Variants in ASCC3 observed in about 807,000 individuals in gnomAD.
ASCC3 encodes activating signal cointegrator 1 complex subunit 3, also known as ASC-1 complex subunit P200.
ASCC3 carries 158 observed loss-of-function variants against 256.3 expected under a neutral mutation model. That is an observed-to-expected ratio of 0.62 (90% CI 0.54 to 0.70). ASCC3 has a LOEUF of 0.70. ASCC3 is among the 30% of genes least tolerant of loss of function. The pLI, the probability that ASCC3 is intolerant of heterozygous loss-of-function variation, is 0.00. For synonymous variants in ASCC3, 948 were observed against 883.4 expected (o/e 1.07, Z -1.30); for missense variants, 2,259 against 2,626.0 (o/e 0.86, Z 3.05).
At chr6:100,803,002 T>C (rs779904996) in intron 5 of ASCC3, among the ~76,000 whole-genome samples, 39 of 152,022 alleles carry the variant, frequency 2.6e-4, no homozygotes, top group Non-Finnish European at 5.1e-4. Flanking sequence ...TGTGAGGGCG[T>C]GTCTTAAAAA....
intron 16 of ASCC3, among the ~76,000 whole-genome samples, chr6:100,657,063 G>A (rs1406722594): frequency 6.6e-6 from 1 of 151,310 alleles, no homozygotes; most frequent in East Asian, 1.9e-4. Context: ...AAATAAATAT[G>A]TGGATGGTTA....
chr6:100,695,231 A>G (rs1030203587), intron 13 of ASCC3, among the ~76,000 whole-genome samples: 2 of 152,210 alleles, frequency 1.3e-5, no homozygotes, highest in Admixed American at 1.3e-4. Context: ...AATAAGGTCA[A>G]AGAACTGTTC....
At chr6:100,737,098 G>A (rs1372382783) in intron 10 of ASCC3, among the ~76,000 whole-genome samples, 2 of 149,546 alleles carry the variant, frequency 1.3e-5, no homozygotes, top group African/African-American at 2.5e-5. Context: ...AGTGAGCCGA[G>A]ATTGCACCAC....
intron 14 of ASCC3, among the ~76,000 whole-genome samples, chr6:100,664,903 A>G (rs941171964): frequency 2.0e-5 from 3 of 152,154 alleles, no homozygotes; most frequent in Non-Finnish European, 4.4e-5. Context: ...TTCAAATCAT[A>G]TTGCTGGATT....
intron 13 of ASCC3, among the ~76,000 whole-genome samples, chr6:100,686,220 G>A (rs1582695574): frequency 1.3e-5 from 2 of 152,242 alleles, no homozygotes; most frequent in Admixed American, 6.5e-5. Context: ...GTGGTACATA[G>A]TAAGTGATCA....
chr6:100,728,621 T>C (rs964894476), intron 10 of ASCC3, among the ~76,000 whole-genome samples: 21 of 152,046 alleles, frequency 1.4e-4, no homozygotes, highest in African/African-American at 4.8e-4. Context: ...ATAACATGGA[T>C]AAATAATAAG....
chr6:100,721,778 T>A (rs1158613146), intron 11 of ASCC3, among the ~76,000 whole-genome samples: 10 of 134,286 alleles, frequency 7.4e-5, no homozygotes, highest in Non-Finnish European at 1.7e-4. Context: ...AATTAGGTCC[T>A]ACTTGTCAAA....
chr6:100,645,279 A>G (rs1425372265), intron 22 of ASCC3, among the ~76,000 whole-genome samples: 1 of 152,070 alleles, frequency 6.6e-6, no homozygotes, highest in Non-Finnish European at 1.5e-5. Flanking sequence ...TATTTATGTG[A>G]AACTTTATAT....
intron 36 of ASCC3, among the ~76,000 whole-genome samples, chr6:100,572,156 G>T (rs73500963): frequency 9.0e-4 from 137 of 152,282 alleles, no homozygotes; most frequent in African/African-American, 3.2e-3. Context: ...GTGTGATGGT[G>T]TTTGGAAGTG....
intron 10 of ASCC3, among the ~76,000 whole-genome samples, chr6:100,729,378 A>G (rs1217231785): frequency 6.6e-6 from 1 of 152,204 alleles, no homozygotes; most frequent in Admixed American, 6.5e-5. Flanking sequence ...AAGATCTCGA[A>G]CAAAGATCTG....
chr6:100,753,052 C>A, intron 10 of ASCC3, among the ~76,000 whole-genome samples: 1 of 151,976 alleles, frequency 6.6e-6, no homozygotes, highest in Middle Eastern at 3.2e-3. Flanking sequence ...AGGAGCAGGG[C>A]CAAATTATAT....
intron 10 of ASCC3, among the ~76,000 whole-genome samples, chr6:100,765,511 A>G (rs937867028): frequency 6.6e-6 from 1 of 152,178 alleles, no homozygotes; most frequent in African/African-American, 2.4e-5. Flanking sequence ...CCAACCGCCA[A>G]TCAGAAAATC....
At chr6:100,737,316 C>CA (rs1310902911) in intron 10 of ASCC3, among the ~76,000 whole-genome samples, 1 of 151,698 alleles carries the variant, frequency 6.6e-6, no homozygotes, top group Non-Finnish European at 1.5e-5. Flanking sequence ...GTTTGCTGTG[C>CA]AGATCATCCC....
At chr6:100,772,142 A>G (rs900125637) in intron 8 of ASCC3, among the ~76,000 whole-genome samples, 2 of 152,116 alleles carry the variant, frequency 1.3e-5, no homozygotes, top group African/African-American at 4.8e-5. Context: ...CAGCCTCCCA[A>G]AGTGCTGGGA....
intron 10 of ASCC3, among the ~76,000 whole-genome samples, chr6:100,745,597 T>C (rs1218587101): frequency 6.6e-6 from 1 of 152,144 alleles, no homozygotes; most frequent in Non-Finnish European, 1.5e-5. Flanking sequence ...ATGCTTTCTT[T>C]AAGCATATGT....
chr6:100,782,739 C>G (rs1221932851), intron 8 of ASCC3, among the ~76,000 whole-genome samples: 1 of 151,794 alleles, frequency 6.6e-6, no homozygotes, highest in African/African-American at 2.4e-5. Flanking sequence ...AGAAAGTTTT[C>G]TGTTTTCTGA....
intron 36 of ASCC3, among the ~76,000 whole-genome samples, chr6:100,559,939 A>G (rs1414375184): frequency 6.6e-6 from 1 of 152,214 alleles, no homozygotes; most frequent in African/African-American, 2.4e-5. Context: ...AAAGATAAAC[A>G]TATTGATAGA....
At position 100,662,566 on chromosome 6, in the gene ASCC3, T is replaced by C. The variant is rs753315714; in HGVS notation, c.2287-30A>G. The C allele has an allele frequency of 3.1e-6, 5 of 1,604,318 alleles. No individual in the cohort carries two copies. In the African/African-American group the frequency reaches 4.0e-5, roughly 13 times the overall value. The stretch of plus-strand genomic sequence containing the variant: ...ATACCAAGAAAGCGTAAGAGTATTA[T>C]TTAGCATTTAAAAGCAATTGTTTTT... On this transcript the variant is annotated intron_variant, in intron 14 of 41. Transcript: ENST00000369162.
chr6:100,841,927 A>C (rs1383407642), intron 4 of ASCC3, among the ~76,000 whole-genome samples: 2 of 152,320 alleles, frequency 1.3e-5, no homozygotes, highest in East Asian at 3.9e-4. Context: ...TTACATGAGG[A>C]TCACCATTTC....
Sources: allele counts gnomAD v4.1 joint callset (sites outside exome capture counted in the v4.1 genomes callset), GRCh38; gene constraint gnomAD v4.1.1; transcripts MANE v1.5; gene names NCBI Gene and HGNC (gene_info 2026-07-23, HGNC 2026-07-21).